Variants in JARID2 observed in about 807,000 individuals in gnomAD.
JARID2 encodes jumonji and AT-rich interaction domain containing 2, also known as protein Jumonji.
JARID2 carries 21 observed loss-of-function variants against 125.6 expected under a neutral mutation model. That is an observed-to-expected ratio of 0.17 (90% CI 0.12 to 0.24). The LOEUF is 0.24. Among genes scored for constraint, JARID2 ranks in the 10% least tolerant of loss-of-function variants. The pLI is 1.00. For synonymous variants in JARID2, 736 were observed against 661.6 expected, an observed-to-expected ratio of 1.11 and a Z score of -1.73; for missense variants, 1,303 against 1,639.6, an observed-to-expected ratio of 0.79 and a Z score of 3.55.
At chr6:15,345,575 A>G (rs1273873820) in intron 1 of JARID2, among the ~76,000 whole-genome samples, 1 of 152,262 alleles carries the variant, frequency 6.6e-6, no homozygotes, top group Non-Finnish European at 1.5e-5. Context: ...AATTCAGTTC[A>G]TAATTAAACA....
At chr6:15,499,836 G>A (rs567778242) in intron 7 of JARID2, among the ~76,000 whole-genome samples, 8 of 152,096 alleles carry the variant, frequency 5.3e-5, no homozygotes, top group Non-Finnish European at 7.4e-5. Context: ...CCCCATCCCT[G>A]GTCTTGCTGG....
At chr6:15,395,358 T>C (rs1036688544) in intron 2 of JARID2, among the ~76,000 whole-genome samples, 7 of 151,820 alleles carry the variant, frequency 4.6e-5, no homozygotes, top group African/African-American at 1.7e-4. Flanking sequence ...TGCAGTGGTA[T>C]GATCTCAGCT....
At chr6:15,402,029 G>C (rs944931701) in intron 2 of JARID2, among the ~76,000 whole-genome samples, 2 of 151,408 alleles carry the variant, frequency 1.3e-5, no homozygotes, top group Non-Finnish European at 2.9e-5. Context: ...GGGAACTACT[G>C]TCCCTCCTAG....
intron 1 of JARID2, among the ~76,000 whole-genome samples, chr6:15,292,223 G>A (rs898973703): frequency 6.6e-6 from 1 of 151,666 alleles, no homozygotes. Flanking sequence ...GGGTTTCACT[G>A]TGTTAGCCAG....
chr6:15,384,333 G>A (rs1331440454), intron 2 of JARID2, among the ~76,000 whole-genome samples: 1 of 151,214 alleles, frequency 6.6e-6, no homozygotes, highest in Non-Finnish European at 1.5e-5. Context: ...CTGTTCCTTC[G>A]AAAGTCAAGT....
chr6:15,322,074 C>T (rs749280255), intron 1 of JARID2, among the ~76,000 whole-genome samples: 3 of 152,030 alleles, frequency 2.0e-5, no homozygotes, highest in Non-Finnish European at 2.9e-5. Context: ...CATGAGCTAC[C>T]GCGCCCGGCC....
chr6:15,411,081 C>T (rs1250393352), intron 3 of JARID2, among the ~76,000 whole-genome samples: 1 of 151,792 alleles, frequency 6.6e-6, no homozygotes, highest in African/African-American at 2.4e-5. Flanking sequence ...TCCTTTTTTT[C>T]CCTGTTAGAA....
chr6:15,445,941 C>T (rs575039668), intron 3 of JARID2, among the ~76,000 whole-genome samples: 60 of 152,242 alleles, frequency 3.9e-4, no homozygotes, highest in African/African-American at 1.4e-3. Context: ...AAACTGAATT[C>T]CTGTCTACCT....
At chr6:15,469,012 G>T (rs1038082000) in intron 5 of JARID2, among the ~76,000 whole-genome samples, 5 of 152,098 alleles carry the variant, frequency 3.3e-5, no homozygotes, top group African/African-American at 4.8e-5. Context: ...TGGTCAAGAA[G>T]ATTTGGTGAA....
chr6:15,493,034 A>C (rs1369559518), intron 6 of JARID2, among the ~76,000 whole-genome samples: 2 of 152,250 alleles, frequency 1.3e-5, no homozygotes, highest in African/African-American at 4.8e-5. Context: ...TTGCCATTGA[A>C]GATAGTGATA....
intron 1 of JARID2, among the ~76,000 whole-genome samples, chr6:15,364,350 T>TAGG (rs1178086360): frequency 6.6e-6 from 1 of 152,214 alleles, no homozygotes; most frequent in Non-Finnish European, 1.5e-5. Flanking sequence ...GGCTGGTGGA[T>TAGG]AGGACTGGTT....
chr6:15,307,242 AAAG>A (rs1310785372), intron 1 of JARID2, among the ~76,000 whole-genome samples: 1 of 151,880 alleles, frequency 6.6e-6, no homozygotes, highest in Non-Finnish European at 1.5e-5. Flanking sequence ...ACTGTGTCTC[AAAG>A]AAGAAGAAAA....
At chr6:15,487,673 C>T in intron 6 of JARID2, 131 bp downstream of exon 6, 1 of 791,312 alleles carries the variant, frequency 1.3e-6, no homozygotes, top group Non-Finnish European at 2.0e-6. Flanking sequence ...CAGGGACAGA[C>T]AGAGCGCACC....
At chr6:15,484,324 G>A (rs1769762942) in intron 5 of JARID2, among the ~76,000 whole-genome samples, 1 of 152,210 alleles carries the variant, frequency 6.6e-6, no homozygotes, top group African/African-American at 2.4e-5. Context: ...GTCATGGTCT[G>A]GCATGAGTAG....
At chr6:15,453,669 G>T (rs941870338) in intron 4 of JARID2, among the ~76,000 whole-genome samples, 2 of 152,158 alleles carry the variant, frequency 1.3e-5, no homozygotes, top group Admixed American at 6.5e-5. Flanking sequence ...TATTCAAAGG[G>T]TTATAATCTG....
Position 15,496,851 on chromosome 6 carries a change from C to T in JARID2, c.1626C>T (p.Ala542=), listed in dbSNP as rs748067636. The change falls in exon 7 of 18, where the codon GCC becomes GCT. Residue 542 remains alanine (A), a synonymous_variant. Coordinates refer to ENST00000341776, the MANE Select transcript of JARID2 (RefSeq NM_004973.4). ...SVHKPQDSGK[A]EKGGGKAGWA... ...ACAAGCCGCAGGACTCGGGCAAGGC[C>T]GAGAAGGGCGGCGGCAAGGCCGGGT... The T allele has an allele frequency of 7.2e-5, 115 of 1,601,272 alleles. 1 individual carries two copies. The highest frequency in any genetic ancestry group is 9.0e-5 in the Non-Finnish European group (105 of 1,171,704).
intron 1 of JARID2, among the ~76,000 whole-genome samples, chr6:15,354,779 AC>A (rs1763542473): frequency 6.6e-6 from 1 of 152,206 alleles, no homozygotes; most frequent in Non-Finnish European, 1.5e-5. Flanking sequence ...ACCATAGAAT[AC>A]CTACCCCTAC....
intron 2 of JARID2, among the ~76,000 whole-genome samples, chr6:15,407,336 G>A (rs1765691193): frequency 6.6e-6 from 1 of 152,182 alleles, no homozygotes; most frequent in Non-Finnish European, 1.5e-5. Flanking sequence ...GAATGTGTTA[G>A]AACGGGGGAC....
intron 3 of JARID2, among the ~76,000 whole-genome samples, chr6:15,413,821 T>TTAA (rs1409742523): frequency 1.3e-5 from 2 of 152,144 alleles, no homozygotes; most frequent in Non-Finnish European, 2.9e-5. Context: ...GTGACATTAT[T>TTAA]CCGTTCACGA....
Sources: gnomAD v4.1 joint callset for allele counts (sites outside exome capture counted in the v4.1 genomes callset) on GRCh38, gnomAD v4.1.1 for gene constraint, MANE v1.5 for transcripts, NCBI Gene and HGNC (gene_info 2026-07-23, HGNC 2026-07-21) for gene names.